Variants in NINJ2 observed in about 807,000 individuals in gnomAD.
NINJ2 encodes the protein ninjurin-2.
In NINJ2, 12 loss-of-function variants were observed where a neutral mutation model predicts 11.7. That is an observed-to-expected ratio of 1.02 (90% CI 0.66 to 1.66). NINJ2 has a LOEUF of 1.66. Among genes scored for constraint, NINJ2 ranks in the 40% most tolerant of loss-of-function variants. NINJ2 has a pLI of 0.00. For missense variants in NINJ2, 187 were observed against 181.8 expected (o/e 1.03, Z -0.16); for synonymous variants, 93 against 76.8 (o/e 1.21, Z -1.10).
At chr12:643,687 T>G in intron 1 of NINJ2, 1 of 988,028 alleles carries the variant, frequency 1.0e-6, no homozygotes, top group Non-Finnish European at 1.2e-6. Context: ...GAGCCACGCC[T>G]CACCGCAACG....
chr12:571,656 C>G (rs1221266526), intron 1 of NINJ2, among the ~76,000 whole-genome samples: 1 of 152,248 alleles, frequency 6.6e-6, no homozygotes, highest in Non-Finnish European at 1.5e-5. Context: ...CCAGACAGCC[C>G]TTTATCCCTT....
intron 1 of NINJ2, among the ~76,000 whole-genome samples, chr12:600,812 G>C (rs1351249954): frequency 2.6e-5 from 4 of 152,008 alleles, no homozygotes; most frequent in African/African-American, 9.7e-5. Context: ...CTCCAAAAGT[G>C]CTGGGATTAC....
chr12:601,273 G>A (rs1032543094), intron 1 of NINJ2, among the ~76,000 whole-genome samples: 8 of 152,342 alleles, frequency 5.3e-5, no homozygotes, highest in South Asian at 4.1e-4. Context: ...CAGGCCGGGC[G>A]CAGTGGCTCA....
intron 1 of NINJ2, among the ~76,000 whole-genome samples, chr12:634,265 C>CTTTTTGTTTTTTTTTTTTTTTTTT (rs1948317634): frequency 1.7e-5 from 1 of 59,480 alleles, no homozygotes; most frequent in Admixed American, 3.0e-4. Context: ...AGTTGCAGTT[C>CTTTTTGTTTTTTTTTTTTTTTTTT]TTTTTTTTTT....
At chr12:643,007 C>T (rs1416719971) in intron 1 of NINJ2, 1 of 151,602 alleles carries the variant, frequency 6.6e-6, no homozygotes, top group East Asian at 2.0e-4. Context: ...GCCGCGGCCT[C>T]TTCCGCCCGG....
chr12:571,800 C>T (rs115078939), intron 1 of NINJ2, among the ~76,000 whole-genome samples: 237 of 152,336 alleles, frequency 1.6e-3, no homozygotes, highest in African/African-American at 5.3e-3. Flanking sequence ...CCATAAGCTC[C>T]AACAGATCAT....
intron 1 of NINJ2, among the ~76,000 whole-genome samples, chr12:595,982 G>GA (rs1291022199): frequency 2.0e-5 from 3 of 152,162 alleles, no homozygotes; most frequent in Non-Finnish European, 4.4e-5. Flanking sequence ...AATTTGATGA[G>GA]AATGGCCAAA....
intron 1 of NINJ2, among the ~76,000 whole-genome samples, chr12:612,493 G>C (rs1316410766): frequency 1.3e-5 from 2 of 152,140 alleles, no homozygotes; most frequent in African/African-American, 4.8e-5. Flanking sequence ...CTGGAACTGA[G>C]ATTCACTGTT....
chr12:629,826 G>C (rs1237903615), intron 1 of NINJ2, among the ~76,000 whole-genome samples: 1 of 144,344 alleles, frequency 6.9e-6, no homozygotes, highest in African/African-American at 2.6e-5. Context: ...GGCAGAGGTT[G>C]TGGTGAGCCG....
At chr12:596,900 C>T (rs1020392293) in intron 1 of NINJ2, among the ~76,000 whole-genome samples, 2 of 149,208 alleles carry the variant, frequency 1.3e-5, no homozygotes, top group African/African-American at 5.0e-5. Context: ...CCAGCCTGGA[C>T]GATGAGAGTG....
intron 1 of NINJ2, among the ~76,000 whole-genome samples, chr12:660,289 TA>T (rs776762900): frequency 0.18 from 19,289 of 107,676 alleles, 1,775 homozygotes; most frequent in East Asian, 0.27. Flanking sequence ...TCCTGTCTGT[TA>T]AAAAAAAAAA....
At chr12:651,885 G>GC (rs1453407202) in intron 1 of NINJ2, among the ~76,000 whole-genome samples, 1 of 152,170 alleles carries the variant, frequency 6.6e-6, no homozygotes, top group African/African-American at 2.4e-5. Context: ...CTCATAGAAG[G>GC]CCCCTACATG....
At chr12:601,866 C>T (rs868655616) in intron 1 of NINJ2, among the ~76,000 whole-genome samples, 8 of 152,092 alleles carry the variant, frequency 5.3e-5, no homozygotes, top group Admixed American at 2.0e-4. Flanking sequence ...CGATAGAGTG[C>T]GACTCTGTGT....
chr12:607,344 C>G (rs1192748745), intron 1 of NINJ2, among the ~76,000 whole-genome samples: 4 of 111,386 alleles, frequency 3.6e-5, no homozygotes, highest in African/African-American at 1.6e-4. Flanking sequence ...AGTAGGTACT[C>G]TGTAAGGGAT....
At chr12:617,798 C>T (rs1020212367) in intron 1 of NINJ2, among the ~76,000 whole-genome samples, 5 of 152,088 alleles carry the variant, frequency 3.3e-5, no homozygotes, top group Non-Finnish European at 7.4e-5. Flanking sequence ...AGGTCAGGGC[C>T]CTGCCTCCTA....
rs551290571 is a variant in NINJ2, at chr12:581,633, C to T, written c.34-15455G>A. ...CTGAGCAGCAGCTCTGTGAAGGGGGCCAGGGTCTGCTCTGGGGAGAAGGTA... is the reference window on the plus strand; with the variant it reads ...CTGAGCAGCAGCTCTGTGAAGGGGGTCAGGGTCTGCTCTGGGGAGAAGGTA... On this transcript the variant is annotated intron_variant, in intron 1 of 3. Transcript: ENST00000305108. This position sits in a 1 kb window ranked among gnomAD's most constrained non-coding sequence, Gnocchi z 4.9. Among the ~76,000 whole-genome samples the T allele has an allele frequency of 2.0e-5, 3 of 152,112 alleles. No individual in the cohort carries two copies. Among genetic ancestry groups the T allele is most frequent in the African/African-American group, 7.2e-5 (3 of 41,414 alleles).
At chr12:605,657 C>T (rs182377587) in intron 1 of NINJ2, among the ~76,000 whole-genome samples, 1 of 152,348 alleles carries the variant, frequency 6.6e-6, no homozygotes, top group East Asian at 1.9e-4. Flanking sequence ...TACATTTCTG[C>T]ATTGAAGCTC....
At chr12:586,796 A>G (rs1256146774) in intron 1 of NINJ2, among the ~76,000 whole-genome samples, 1 of 152,130 alleles carries the variant, frequency 6.6e-6, no homozygotes, top group Non-Finnish European at 1.5e-5. Flanking sequence ...GTGCCCTCTG[A>G]CTGGATCGTA....
intron 1 of NINJ2, chr12:632,658 T>G (rs1483101326): frequency 6.6e-6 from 1 of 151,812 alleles, no homozygotes; most frequent in African/African-American, 2.4e-5. Flanking sequence ...TGAAGAGAAG[T>G]ACTAGGTCCT....
Sources: allele counts gnomAD v4.1 joint callset (sites outside exome capture counted in the v4.1 genomes callset), GRCh38; gene constraint gnomAD v4.1.1; non-coding constraint Gnocchi (gnomAD v3.1); transcripts MANE v1.5; gene names NCBI Gene and HGNC (gene_info 2026-07-23, HGNC 2026-07-21).